Variants in RNF167 observed in about 807,000 individuals in gnomAD.
RNF167 encodes ring finger protein 167.
Under a neutral mutation model 34.8 loss-of-function variants are expected in RNF167, and 19 were observed. The ratio of observed to expected loss-of-function variants is 0.55; its 90% confidence interval spans 0.38 to 0.80. The LOEUF (loss-of-function observed/expected upper bound fraction) is 0.80, where lower values mean the gene tolerates loss of function less well. Ranked by LOEUF, RNF167 falls within the 30% of genes least tolerant of loss-of-function variation. The probability of loss-of-function intolerance (pLI) is 0.00; values close to 1 mark genes in which losing one functional copy is unlikely to be tolerated. For missense variants in RNF167, 464 were observed against 447.0 expected, an observed-to-expected ratio of 1.04 and a Z score of -0.34; for synonymous variants, 200 against 170.4, an observed-to-expected ratio of 1.17 and a Z score of -1.35.
rs750669475 is a variant in RNF167 at position 4,945,048 on chromosome 17, A to C, written c.*32A>C. The stretch of plus-strand genomic sequence containing the variant: ...CCCACACATACACCTCTGGTGACCT[A>C]TTTGCACAGACCGTCGTCTTCCCTC... On this transcript the variant is annotated 3_prime_UTR_variant, in exon 10 of 10. Transcript: ENST00000262482. 1 of 1,491,096 alleles carries C rather than the reference A, an allele frequency of 6.7e-7. No homozygotes were observed. The highest frequency in any genetic ancestry group is 2.3e-5 in the East Asian group (1 of 42,954). 92.4% of individuals were successfully genotyped at this position (1,491,096 alleles called of 1,614,324 possible). A position where few individuals can be genotyped will look rare whatever the true frequency, so the allele number is the denominator to read the frequency against.
intron 3 of RNF167, 24 bp downstream of exon 3, chr17:4,941,181 C>A: frequency 6.3e-7 from 1 of 1,580,242 alleles, no homozygotes; most frequent in Non-Finnish European, 8.7e-7. Flanking sequence ...TTTTCTTTTC[C>A]TCCTTCCCTC....
intron 8 of RNF167, 183 bp from the exon 9 acceptor site, chr17:4,944,375 C>T: frequency 7.5e-7 from 1 of 1,338,822 alleles, no homozygotes; most frequent in South Asian, 1.9e-5. Flanking sequence ...ACCTCTGCTT[C>T]TCTTTGCTTG....
Position 4,940,898 on chromosome 17 carries a change from C to G in RNF167, c.-12C>G, listed in dbSNP as rs565177578. 6.4e-7 allele frequency: 1 copy of G among 1,569,700 alleles called. No individual in the cohort carries two copies. Among genetic ancestry groups the G allele is most frequent in the Non-Finnish European group, 8.6e-7 (1 of 1,156,092 alleles). On this transcript the variant is annotated 5_prime_UTR_variant, in exon 2 of 10. Transcript: ENST00000262482. Reference sequence around the variant, plus strand: ...GACGCGCGGCCTCCTCAGCCTCTTTCCTCCCGCTGCCATGCACCCTGCAGC... The same window carrying G: ...GACGCGCGGCCTCCTCAGCCTCTTTGCTCCCGCTGCCATGCACCCTGCAGC...
At chr17:4,943,083 C>A in intron 6 of RNF167, 96 bp from the exon 7 acceptor site, 2 of 1,313,730 alleles carry the variant, frequency 1.5e-6, no homozygotes, top group South Asian at 1.2e-5. Context: ...ATTCCTGTCC[C>A]CACCTATGGG....
rs114762295 is a variant in RNF167, at chr17:4,941,688, G to A, written c.165+531G>A. Among the ~76,000 whole-genome samples, 1,376 of 152,190 alleles carry A rather than the reference G, an allele frequency of 9.0e-3. 23 individuals are homozygous for A. Among genetic ancestry groups the A allele is most frequent in the African/African-American group, 0.031 (1,302 of 41,496 alleles). The stretch of plus-strand genomic sequence containing the variant: ...TTAGAAAATTGAAGAGGCCGGGCGC[G>A]GTGGCTCACATCTGTAATCCCAGTT... On this transcript the variant is annotated intron_variant, in intron 3 of 9. Transcript: ENST00000262482.
intron 6 of RNF167, 118 bp from the exon 7 acceptor site, chr17:4,943,061 G>T: frequency 7.7e-7 from 1 of 1,300,272 alleles, no homozygotes; most frequent in Non-Finnish European, 1.1e-6. Context: ...CTGCCTCTTT[G>T]ACTTTCTTCC....
rs563861952 is a variant in RNF167, at chr17:4,942,317, CTGT to C, written c.166-19_166-17del. 1,154 of 1,611,194 alleles carry C rather than the reference CTGT, an allele frequency of 7.2e-4. 5 individuals are homozygous for C. In the African/African-American group the frequency reaches 0.014, roughly 20 times the overall value. Reference sequence around the variant, plus strand: ...CAGAATCTAGAAAGGAGAAATCTCACTGTTGTTTGCTTCCATCCTTCAGGGGTT... The same window carrying C: ...CAGAATCTAGAAAGGAGAAATCTCACTGTTTGCTTCCATCCTTCAGGGGTT... On this transcript the variant is annotated intron_variant, in intron 3 of 9. Transcript: ENST00000262482.
Position 4,942,411 on chromosome 17 carries a change from A to G in RNF167, c.236A>G (p.Asn79Ser), listed in dbSNP as rs753689540. The G allele has an allele frequency of 1.9e-4, 304 of 1,614,148 alleles. 2 individuals are homozygous for G. The East Asian group carries it at 4.5e-3, about 24-fold the overall frequency. Residue 79 changes from asparagine to serine, a missense_variant, in exon 4 of 10, where the codon AAT becomes AGT. Transcript: ENST00000262482. ...PIAPPPPAPV[N>S]GSVFIALLRR... ...GCCCCACCACCCCCAGCCCCGGTCA[A>G]TGGGTCAGTCTTTATTGCGCTGCTT...
Position 4,942,350 on chromosome 17 carries a change from G to T in RNF167, c.175G>T (p.Val59Leu). The T allele has an allele frequency of 6.2e-7, 1 of 1,613,906 alleles. No individual in the cohort carries two copies. The highest frequency in any genetic ancestry group is 8.5e-7 in the Non-Finnish European group (1 of 1,180,006). ...LSQEGLQGFL[V>L]EAHPDNACSP... Reference sequence around the variant, plus strand: ...TGCTTCCATCCTTCAGGGGTTCCTTGTGGAGGCTCACCCAGACAATGCCTG... The same window carrying T: ...TGCTTCCATCCTTCAGGGGTTCCTTTTGGAGGCTCACCCAGACAATGCCTG... The change falls in exon 4 of 10, where the codon GTG (valine) becomes TTG (leucine). Residue 59 changes from valine (V) to leucine (L), a missense_variant. Val to Leu is a conservative substitution (Grantham distance 32). Coordinates refer to ENST00000262482, the MANE Select transcript of RNF167 (RefSeq NM_015528.3).
At position 4,944,818 on chromosome 17, in the gene RNF167, G is replaced by A. The variant is rs139567966; in HGVS notation, c.855G>A (p.Glu285=). Residue 285 remains glutamate, a synonymous_variant, in exon 10 of 10, where the codon GAG becomes GAA. Coordinates refer to ENST00000262482, the MANE Select transcript of RNF167 (RefSeq NM_015528.3). The stretch of plus-strand genomic sequence containing the variant: ...GGGGTCCTGGGGACGAAGACCAAGA[G>A]GAAGAAACTCAAGGGCAAGAGGAGG... ...VHRGPGDEDQ[E]EETQGQEEGD... is the part of the protein sequence containing the mutation. 8.7e-6 allele frequency: 14 copies of A among 1,612,544 alleles called. No homozygotes were observed. The highest frequency in any genetic ancestry group is 1.2e-5 in the Non-Finnish European group (14 of 1,179,254).
rs202057436 is a variant in RNF167 at position 4,943,208 on chromosome 17, C to A, written c.500C>A (p.Thr167Asn). The change falls in exon 7 of 10, where the codon ACC becomes AAC. Residue 167 changes from threonine (T) to asparagine (N), a missense_variant. By Grantham distance (65) the Thr-to-Asn change is moderately conservative (BLOSUM62 0). Transcript: ENST00000262482. ...GARVLLVPDN[T>N]FPLGYYLIPF... ...CGGGTGCTTCTGGTTCCAGACAATA[C>A]CTTCCCCTTGGGCTATTACCTCATC... 6.2e-7 allele frequency: 1 copy of A among 1,614,106 alleles called. No homozygotes were observed. The highest frequency in any genetic ancestry group is 2.2e-5 in the East Asian group (1 of 44,882).
intron 6 of RNF167, 107 bp downstream of exon 6, chr17:4,943,048 T>C (rs1970986199): frequency 1.5e-6 from 2 of 1,308,954 alleles, no homozygotes; most frequent in Non-Finnish European, 2.2e-6. Flanking sequence ...TGTCCTTCCT[T>C]CCCTGCCTCT....
rs568978871 is a variant in RNF167, at chr17:4,943,212, C to G, written c.504C>G (p.Phe168Leu). Residue 168 changes from phenylalanine (F) to leucine (L), a missense_variant, in exon 7 of 10, where the codon TTC (phenylalanine) becomes TTG (leucine). Transcript: ENST00000262482. ...ARVLLVPDNTFPLGYYLIPFT... is the reference protein window; with the variant it reads ...ARVLLVPDNTLPLGYYLIPFT... ...TGCTTCTGGTTCCAGACAATACCTTCCCCTTGGGCTATTACCTCATCCCTT... is the reference window on the plus strand; with the variant it reads ...TGCTTCTGGTTCCAGACAATACCTTGCCCTTGGGCTATTACCTCATCCCTT... 2 of 1,614,136 alleles carry G rather than the reference C, an allele frequency of 1.2e-6. No homozygotes were observed. The highest frequency in any genetic ancestry group is 2.7e-5 in the African/African-American group (2 of 75,012).
At chr17:4,942,112 G>T (rs1970870218) in intron 3 of RNF167, among the ~76,000 whole-genome samples, 1 of 152,152 alleles carries the variant, frequency 6.6e-6, no homozygotes, top group South Asian at 2.1e-4. Context: ...GCCCATCTGG[G>T]ACAGCGAGAG....
chr17:4,941,617 C>T (rs1274585704), intron 3 of RNF167, among the ~76,000 whole-genome samples: 1 of 152,172 alleles, frequency 6.6e-6, no homozygotes, highest in Non-Finnish European at 1.5e-5. Context: ...ATAGCAAGAA[C>T]TCAGTTGGGC....
Position 4,942,417 on chromosome 17 carries a change from C to CA in RNF167, c.243dup (p.Val82SerfsTer14). On this transcript the variant is annotated frameshift_variant, in exon 4 of 10. Coordinates refer to ENST00000262482, the MANE Select transcript of RNF167 (RefSeq NM_015528.3). LOFTEE classifies it high-confidence loss of function. ...CCACCCCCAGCCCCGGTCAATGGGTCAGTCTTTATTGCGCTGCTTCGAAGA... is the reference window on the plus strand; with the variant it reads ...CCACCCCCAGCCCCGGTCAATGGGTCAAGTCTTTATTGCGCTGCTTCGAAGA... The CA allele has an allele frequency of 6.2e-7, 1 of 1,614,108 alleles. No individual in the cohort carries two copies. Among genetic ancestry groups the CA allele is most frequent in the Non-Finnish European group, 8.5e-7 (1 of 1,180,018 alleles).
In RNF167 at chr17:4,942,950, T is replaced by C. The variant is rs543023111; in HGVS notation, c.470+9T>C. On this transcript the variant is annotated intron_variant, in intron 6 of 9. Transcript: ENST00000262482. ...TTTGTCTACGAGAAGGGGTAGGACA[T>C]GTGCCTCCTTCCCATTCTTCCTTCA... is the stretch of plus-strand genomic sequence containing the variant. 63 of 1,611,514 alleles carry C rather than the reference T, an allele frequency of 3.9e-5. No homozygotes were observed. The highest frequency in any genetic ancestry group is 3.0e-4 in the Admixed American group (18 of 60,024).
At chr17:4,943,571 A>AAGG in intron 8 of RNF167, 52 bp downstream of exon 8, 1 of 1,443,584 alleles carries the variant, frequency 6.9e-7, no homozygotes, top group South Asian at 1.2e-5. Context: ...CCTGGTTCTG[A>AAGG]AGGACTTTGA....
intron 1 of RNF167, 34 bp from the exon 2 acceptor site, chr17:4,940,453 T>A (rs1464660743): frequency 6.2e-6 from 1 of 160,700 alleles, no homozygotes; most frequent in Non-Finnish European, 1.4e-5. Flanking sequence ...AGGCAGTCCC[T>A]CCATCGCTAA....
Sources: gnomAD v4.1 joint callset for allele counts (sites outside exome capture counted in the v4.1 genomes callset) on GRCh38, gnomAD v4.1.1 for gene constraint, MANE v1.5 for transcripts, NCBI Gene and HGNC (gene_info 2026-07-23, HGNC 2026-07-21) for gene names.